The following RORA variants were observed in gnomAD, a reference collection of about 807,000 sequenced individuals.
RORA encodes the protein RAR related orphan receptor A.
In RORA, 7 loss-of-function variants were observed where a neutral mutation model predicts 69.5. That is an observed-to-expected ratio of 0.10 (90% CI 0.06 to 0.19). The LOEUF (loss-of-function observed/expected upper bound fraction) is 0.19, where lower values mean the gene tolerates loss of function less well. Ranked by LOEUF, RORA falls within the 10% of genes least tolerant of loss-of-function variation. The pLI is 1.00. For synonymous variants in RORA, 261 were observed against 240.8 expected (o/e 1.08, Z -0.78); for missense variants, 457 against 663.0 (o/e 0.69, Z 3.41).
chr15:60,601,010 CAGG>C lies in RORA; in HGVS notation c.197-69162_197-69160del, dbSNP rs1223310770. 7 of 152,062 alleles carry C rather than the reference CAGG, an allele frequency of 4.6e-5. No individual in the cohort carries two copies. In the East Asian group the frequency reaches 1.3e-3, roughly 29 times the overall value. The allele number at this position is 152,062 out of a possible 1,614,324, so 9.4% of individuals were successfully genotyped here. The stretch of plus-strand genomic sequence containing the variant: ...GCACAGAGAAATTAAGTGACTTGTC[CAGG>C]AGGACAGGGCCAATAACCGGTGGAA... On this transcript the variant is annotated intron_variant, in intron 2 of 10. Coordinates refer to ENST00000335670, the MANE Select transcript of RORA (RefSeq NM_134261.3).
chr15:61,086,847 A>G (rs929601095), intron 1 of RORA, among the ~76,000 whole-genome samples: 3 of 152,090 alleles, frequency 2.0e-5, no homozygotes, highest in African/African-American at 4.8e-5. Flanking sequence ...TGGCACTTCT[A>G]TTGTACAACA....
At chr15:60,612,661 GTTTTTTT>G (rs71122864) in intron 2 of RORA, among the ~76,000 whole-genome samples, 1,522 of 107,120 alleles carry the variant, frequency 0.014, 11 homozygotes, top group East Asian at 0.064. Flanking sequence ...CTCTCTCTCT[GTTTTTTT>G]TTTTTTTTTT....
intron 1 of RORA, among the ~76,000 whole-genome samples, chr15:60,991,659 A>T (rs1894382957): frequency 6.6e-6 from 1 of 152,160 alleles, no homozygotes; most frequent in Non-Finnish European, 1.5e-5. Flanking sequence ...GCACTTTCGG[A>T]GGCTGAGGCG....
intron 1 of RORA, among the ~76,000 whole-genome samples, chr15:60,746,384 C>T (rs1296887376): frequency 6.6e-6 from 1 of 151,990 alleles, no homozygotes; most frequent in Non-Finnish European, 1.5e-5. Flanking sequence ...GTCAGGTATG[C>T]CCTGCAGGTG....
chr15:60,815,246 T>A (rs1317472001), intron 1 of RORA, among the ~76,000 whole-genome samples: 1 of 152,162 alleles, frequency 6.6e-6, no homozygotes, highest in East Asian at 1.9e-4. Flanking sequence ...ATAATAATAG[T>A]TTCCCCTAAT....
chr15:61,162,868 C>G (rs920418093), intron 1 of RORA, among the ~76,000 whole-genome samples: 2 of 152,150 alleles, frequency 1.3e-5, no homozygotes, highest in Non-Finnish European at 2.9e-5. Context: ...GAAACAAGGC[C>G]ACTATTACTG....
intron 1 of RORA, among the ~76,000 whole-genome samples, chr15:60,936,624 AC>A (rs1892530616): frequency 6.6e-6 from 1 of 152,238 alleles, no homozygotes. Flanking sequence ...GTGTGCAGTC[AC>A]CAGCAAGGAT....
Position 61,213,455 on chromosome 15 carries a change from C to T in RORA, c.166+15598G>A, listed in dbSNP as rs553262077. Among the ~76,000 whole-genome samples the T allele has an allele frequency of 4.6e-5, 7 of 152,298 alleles. No homozygotes were observed. Among genetic ancestry groups the T allele is most frequent in the African/African-American group, 1.7e-4 (7 of 41,556 alleles). On this transcript the variant is annotated intron_variant, in intron 1 of 10. Coordinates refer to ENST00000335670, the MANE Select transcript of RORA (RefSeq NM_134261.3). This position sits in a 1 kb window ranked among gnomAD's most constrained non-coding sequence, Gnocchi z 4.1. ...AGACAAGGTCCGAAATGCTTAGGCT[C>T]GCCCCTGCCTACTTTCTCCAACCTT...
At chr15:60,745,881 T>C (rs2071640586) in intron 1 of RORA, among the ~76,000 whole-genome samples, 1 of 152,202 alleles carries the variant, frequency 6.6e-6, no homozygotes, top group Non-Finnish European at 1.5e-5. Flanking sequence ...TGGATGCCGC[T>C]GGGTCTTTTA....
intron 1 of RORA, among the ~76,000 whole-genome samples, chr15:60,883,607 G>A (rs936663288): frequency 2.6e-5 from 4 of 152,104 alleles, no homozygotes; most frequent in Admixed American, 6.5e-5. Flanking sequence ...ATTGTTGAAT[G>A]ATTAAAATGA....
chr15:60,886,428 T>C (rs2073751031), intron 1 of RORA, among the ~76,000 whole-genome samples: 1 of 152,150 alleles, frequency 6.6e-6, no homozygotes, highest in Non-Finnish European at 1.5e-5. Flanking sequence ...GCAACGTCTT[T>C]TGCCTACAAC....
intron 1 of RORA, among the ~76,000 whole-genome samples, chr15:60,993,299 T>G (rs1482163496): frequency 6.6e-6 from 1 of 152,160 alleles, no homozygotes; most frequent in African/African-American, 2.4e-5. Context: ...AAGGTATTAC[T>G]GTCCCCCTTT....
chr15:60,709,189 C>T (rs998884334), intron 1 of RORA, among the ~76,000 whole-genome samples: 3 of 152,188 alleles, frequency 2.0e-5, no homozygotes, highest in Admixed American at 2.0e-4. Flanking sequence ...GTAAACATAT[C>T]TTTGAAGTGA....
chr15:60,518,707 C>A (rs1343990914), intron 3 of RORA, among the ~76,000 whole-genome samples: 1 of 152,236 alleles, frequency 6.6e-6, no homozygotes, highest in Non-Finnish European at 1.5e-5. Flanking sequence ...AGCTACTTAT[C>A]CTAATCCTGC....
chr15:60,731,233 C>A (rs1330218938), intron 1 of RORA, among the ~76,000 whole-genome samples: 1 of 152,038 alleles, frequency 6.6e-6, no homozygotes, highest in Non-Finnish European at 1.5e-5. Context: ...AGAATGATGC[C>A]CCAAACCCCC....
At chr15:60,875,017 A>G (rs1353046105) in intron 1 of RORA, among the ~76,000 whole-genome samples, 1 of 152,156 alleles carries the variant, frequency 6.6e-6, no homozygotes, top group Non-Finnish European at 1.5e-5. Flanking sequence ...CAACAACATC[A>G]TCAATAACAA....
At chr15:60,813,648 A>G (rs2072773586) in intron 1 of RORA, among the ~76,000 whole-genome samples, 1 of 152,100 alleles carries the variant, frequency 6.6e-6, no homozygotes, top group Admixed American at 6.5e-5. Context: ...TTAGAGTCTA[A>G]CTGGCCACAG....
intron 1 of RORA, among the ~76,000 whole-genome samples, chr15:60,904,593 C>G (rs758830587): frequency 6.6e-6 from 1 of 152,188 alleles, no homozygotes; most frequent in Admixed American, 6.5e-5. Flanking sequence ...ATTTTACCCT[C>G]TCTTCCAGGG....
intron 1 of RORA, among the ~76,000 whole-genome samples, chr15:60,757,643 A>G (rs964731261): frequency 3.3e-5 from 5 of 152,164 alleles, no homozygotes; most frequent in Non-Finnish European, 7.4e-5. Context: ...CCTTGTCCCA[A>G]AAACAGAGCA....
Sources: gnomAD v4.1 joint callset for allele counts (sites outside exome capture counted in the v4.1 genomes callset) on GRCh38, gnomAD v4.1.1 for gene constraint, Gnocchi (gnomAD v3.1) non-coding constraint, MANE v1.5 for transcripts, NCBI Gene and HGNC (gene_info 2026-07-23, HGNC 2026-07-21) for gene names.